DNAH14: variants seen among roughly 807,000 people sequenced by gnomAD.
DNAH14 encodes dynein axonemal heavy chain 14.
In DNAH14, 478 loss-of-function variants were observed where a neutral mutation model predicts 520.9. The observed-to-expected ratio is 0.92, with a 90% confidence interval of 0.85 to 0.99. The LOEUF is 0.99. Among genes scored for constraint, DNAH14 ranks in the 50% least tolerant of loss-of-function variants. DNAH14 has a pLI of 0.00. For missense variants in DNAH14, 4,831 were observed against 5,234.5 expected (o/e 0.92, Z 2.38); for synonymous variants, 1,581 against 1,757.2 (o/e 0.90, Z 2.51).
In DNAH14 at chr1:225,345,950, GT is replaced by G. The variant is rs747028282; in HGVS notation, c.10679-9del. On this transcript the variant is annotated splice_polypyrimidine_tract_variant and intron_variant, in intron 69 of 85. Coordinates refer to ENST00000682510, the MANE Select transcript of DNAH14 (RefSeq NM_001367479.1). Reference sequence around the variant, plus strand: ...TAGTCTTTATTTAACTTCACTTTTTGTTTGTCTTTAGGATCCATATTAGATG... The same window carrying G: ...TAGTCTTTATTTAACTTCACTTTTTGTTGTCTTTAGGATCCATATTAGATG... 2.0e-6 allele frequency: 3 copies of G among 1,529,738 alleles called. No individual in the cohort carries two copies. The South Asian group carries it at 3.7e-5, about 19-fold the overall frequency. The allele number at this position is 1,529,738 out of a possible 1,614,324, so 94.8% of individuals were successfully genotyped here. A position where few individuals can be genotyped will look rare whatever the true frequency, so the allele number is the denominator to read the frequency against.
chr1:225,258,578 A>G (rs1173797141), intron 45 of DNAH14, among the ~76,000 whole-genome samples: 2 of 152,164 alleles, frequency 1.3e-5, no homozygotes, highest in Non-Finnish European at 1.5e-5. Context: ...TTTTCCAATT[A>G]TCTAACTTGT....
chr1:225,290,645 GTGTATATATATATATATA>G lies in DNAH14; in HGVS notation c.8469+565_8469+582del, dbSNP rs1339754923. Among the ~76,000 whole-genome samples the G allele has an allele frequency of 9.9e-5, 4 of 40,582 alleles. No homozygotes were observed. The South Asian group carries it at 3.9e-3, about 40-fold the overall frequency. 26.6% of individuals were successfully genotyped at this position (40,582 alleles called of 152,430 possible). Reference sequence around the variant, plus strand: ...TGTATAGATATATGTGTGTGTGTGTGTGTATATATATATATATATATATATATATATATATATATATAT... The same window carrying G: ...TGTATAGATATATGTGTGTGTGTGTGTATATATATATATATATATATATAT... On this transcript the variant is annotated intron_variant, in intron 55 of 85. Transcript: ENST00000682510.
At chr1:225,031,777 AACTCCAG>A (rs1390219485) in intron 11 of DNAH14, among the ~76,000 whole-genome samples, 4 of 152,092 alleles carry the variant, frequency 2.6e-5, no homozygotes, top group African/African-American at 9.7e-5. Context: ...CATGTATTTT[AACTCCAG>A]AAGACATTAA....
At chr1:225,141,563 T>C (rs1195619398) in intron 28 of DNAH14, among the ~76,000 whole-genome samples, 1 of 152,080 alleles carries the variant, frequency 6.6e-6, no homozygotes, top group African/African-American at 2.4e-5. Flanking sequence ...TCTTTCTCTT[T>C]TCTACTGTCC....
chr1:225,152,948 T>C, intron 33 of DNAH14, 65 bp downstream of exon 33: 1 of 1,494,960 alleles, frequency 6.7e-7, no homozygotes, highest in Non-Finnish European at 9.0e-7. Context: ...AAGTAATACT[T>C]TTCTGGATTG....
intron 8 of DNAH14, among the ~76,000 whole-genome samples, chr1:225,002,087 C>T (rs2063813727): frequency 1.3e-5 from 2 of 152,004 alleles, no homozygotes; most frequent in Non-Finnish European, 2.9e-5. Context: ...GCTTGATAAC[C>T]CTTAAAAATC....
chr1:225,116,623 G>A (rs1047817845), intron 23 of DNAH14, among the ~76,000 whole-genome samples: 2 of 152,194 alleles, frequency 1.3e-5, no homozygotes, highest in Admixed American at 6.5e-5. Context: ...AAGTATGTCT[G>A]TATCAAATAG....
At chr1:225,274,267 C>G (rs2093405765) in intron 52 of DNAH14, among the ~76,000 whole-genome samples, 1 of 138,170 alleles carries the variant, frequency 7.2e-6, no homozygotes, top group South Asian at 2.4e-4. Flanking sequence ...TGCTGTGGCG[C>G]GATCTCTGCT....
chr1:225,344,420 C>T (rs774257151), intron 69 of DNAH14, among the ~76,000 whole-genome samples: 3 of 152,088 alleles, frequency 2.0e-5, no homozygotes, highest in Non-Finnish European at 2.9e-5. Flanking sequence ...TGTTGTTCCC[C>T]TCTATGTGTC....
At chr1:225,115,759 T>C (rs2076827127) in intron 23 of DNAH14, among the ~76,000 whole-genome samples, 1 of 152,216 alleles carries the variant, frequency 6.6e-6, no homozygotes, top group East Asian at 1.9e-4. Flanking sequence ...CTGAGGATCA[T>C]TACAAACCAA....
rs190404258 is a variant in DNAH14, at chr1:225,215,145, C to T, written c.6439+7925C>T. Among the ~76,000 whole-genome samples the T allele has an allele frequency of 2.3e-4, 35 of 149,454 alleles. 1 individual carries two copies. The East Asian group carries it at 6.5e-3, about 28-fold the overall frequency. ...TTGGTTTCAAAGAACATCTTTATTT[C>T]TGCCTTCATTTCGTTATATACCTAG... is the stretch of plus-strand genomic sequence containing the variant. On this transcript the variant is annotated intron_variant, in intron 41 of 85. Transcript: ENST00000682510.
At chr1:225,246,105 C>CAAAAA (rs140007042) in intron 43 of DNAH14, among the ~76,000 whole-genome samples, 3 of 77,732 alleles carry the variant, frequency 3.9e-5, no homozygotes, top group African/African-American at 9.5e-5. Flanking sequence ...ACAAACCTGG[C>CAAAAA]AAAAAAAAAA....
At chr1:225,084,906 T>G (rs2073580567) in intron 20 of DNAH14, among the ~76,000 whole-genome samples, 1 of 151,876 alleles carries the variant, frequency 6.6e-6, no homozygotes, top group Non-Finnish European at 1.5e-5. Context: ...GGTTCTATAG[T>G]TCCTTATCTG....
At chr1:224,973,331 C>T (rs867410420) in intron 7 of DNAH14, among the ~76,000 whole-genome samples, 1 of 152,232 alleles carries the variant, frequency 6.6e-6, no homozygotes, top group East Asian at 1.9e-4. Context: ...CTAGCTCTCA[C>T]TAGCTGCATA....
At chr1:225,269,445 AAAGCAATG>A (rs1403034138) in intron 49 of DNAH14, among the ~76,000 whole-genome samples, 1 of 152,228 alleles carries the variant, frequency 6.6e-6, no homozygotes, top group Non-Finnish European at 1.5e-5. Flanking sequence ...TAAAACACCA[AAAGCAATG>A]GCAACAAAAG....
chr1:225,395,514 C>T (rs1457432739), intron 84 of DNAH14, among the ~76,000 whole-genome samples: 1 of 151,078 alleles, frequency 6.6e-6, no homozygotes, highest in Non-Finnish European at 1.5e-5. Flanking sequence ...ATGGCGTGAA[C>T]CCAGGAGGCG....
intron 17 of DNAH14, among the ~76,000 whole-genome samples, chr1:225,066,171 T>G (rs1484829488): frequency 1.3e-5 from 2 of 152,082 alleles, no homozygotes. Context: ...TTGAGACATA[T>G]CTACTTTTTA....
intron 11 of DNAH14, among the ~76,000 whole-genome samples, chr1:225,024,784 T>A (rs1376669039): frequency 6.6e-6 from 1 of 152,072 alleles, no homozygotes; most frequent in African/African-American, 2.4e-5. Context: ...AAACATTGCG[T>A]GTGTGTGTTT....
intron 77 of DNAH14, among the ~76,000 whole-genome samples, chr1:225,373,380 G>A (rs2095643533): frequency 6.6e-6 from 1 of 151,832 alleles, no homozygotes; most frequent in African/African-American, 2.4e-5. Flanking sequence ...CAGGAGAATC[G>A]CTTGAACCCG....
Sources: gnomAD v4.1 joint callset for allele counts (sites outside exome capture counted in the v4.1 genomes callset) on GRCh38, gnomAD v4.1.1 for gene constraint, MANE v1.5 for transcripts, NCBI Gene and HGNC (gene_info 2026-07-23, HGNC 2026-07-21) for gene names.